CFAP52: variants seen among roughly 807,000 people sequenced by gnomAD.
CFAP52 encodes the protein cilia- and flagella-associated protein 52.
Under a neutral mutation model 70.5 loss-of-function variants are expected in CFAP52, and 57 were observed. That is an observed-to-expected ratio of 0.81 (90% confidence interval 0.65 to 1.01). The LOEUF (loss-of-function observed/expected upper bound fraction) is 1.01, where lower values mean the gene tolerates loss of function less well. Ranked by LOEUF, CFAP52 falls within the 50% of genes least tolerant of loss-of-function variation. CFAP52 has a pLI of 0.00. For missense variants in CFAP52, 785 were observed against 788.5 expected, an observed-to-expected ratio of 1.00 and a Z score of 0.05; for synonymous variants, 267 against 292.5, an observed-to-expected ratio of 0.91 and a Z score of 0.89.
Position 9,612,722 on chromosome 17 carries a change from G to A in CFAP52, c.1025+243G>A, listed in dbSNP as rs144564279. Among the ~76,000 whole-genome samples, 468 of 152,106 alleles carry A rather than the reference G, an allele frequency of 3.1e-3. 1 individual carries two copies. Among genetic ancestry groups the A allele is most frequent in the South Asian group, 7.9e-3 (38 of 4,806 alleles). Reference sequence around the variant, plus strand: ...TTTCTAATAAACCCCTCATGGAAAGGGTAAGTACCTGACAAAACCTTTCTG... The same window carrying A: ...TTTCTAATAAACCCCTCATGGAAAGAGTAAGTACCTGACAAAACCTTTCTG... On this transcript the variant is annotated intron_variant, in intron 8 of 13. Transcript: ENST00000352665.
At chr17:9,591,324 C>T (rs376777837) in intron 3 of CFAP52, among the ~76,000 whole-genome samples, 18 of 152,176 alleles carry the variant, frequency 1.2e-4, no homozygotes, top group South Asian at 4.1e-4. Flanking sequence ...AGGCTTGAGT[C>T]GCCGCTCCCG....
At position 9,615,917 on chromosome 17, in the gene CFAP52, G is replaced by C. The variant is rs11656195; in HGVS notation, c.1025+3438G>C. 3.4e-5 allele frequency among the ~76,000 whole-genome samples: 5 copies of C among 145,822 alleles called. No individual in the cohort carries two copies. The South Asian group carries it at 1.1e-3, about 32-fold the overall frequency. On this transcript the variant is annotated intron_variant, in intron 8 of 13. Transcript: ENST00000352665. ...GGCCTCCCAGAGCACAGGCCTCTCA[G>C]ATTATAGGCATGAGCCACTGCAGTC...
intron 4 of CFAP52, among the ~76,000 whole-genome samples, chr17:9,597,099 C>G (rs1377558328): frequency 6.6e-6 from 1 of 152,150 alleles, no homozygotes; most frequent in Non-Finnish European, 1.5e-5. Flanking sequence ...TGATAACCAC[C>G]ATTCTACTGT....
Position 9,598,227 on chromosome 17 carries a change from T to TA in CFAP52, c.537-6dup, listed in dbSNP as rs1909105303. The TA allele has an allele frequency of 5.7e-6, 9 of 1,589,310 alleles. No homozygotes were observed. Among genetic ancestry groups the TA allele is most frequent in the Non-Finnish European group, 7.7e-6 (9 of 1,172,196 alleles). On this transcript the variant is annotated splice_polypyrimidine_tract_variant and splice_region_variant and intron_variant, in intron 4 of 13. Transcript: ENST00000352665. ...ATTGTGGTTTTTTGTTTTTTTTTTTTACATAGTGGGACAATTCGAGTATGG... is the reference window on the plus strand; with the variant it reads ...ATTGTGGTTTTTTGTTTTTTTTTTTTAACATAGTGGGACAATTCGAGTATGG...
downstream of CFAP52, chr17:9,645,352 G>T (rs1465874716): frequency 4.2e-6 from 1 of 238,726 alleles, no homozygotes; most frequent in South Asian, 1.8e-4. The surrounding 1 kb of genome is among the most constrained non-coding windows in gnomAD (Gnocchi z 6.8). Context: ...GGTAAGGAAG[G>T]GTGGGGAATC....
chr17:9,624,877 A>T (rs1487949788), intron 8 of CFAP52, among the ~76,000 whole-genome samples: 1 of 151,972 alleles, frequency 6.6e-6, no homozygotes, highest in Non-Finnish European at 1.5e-5. Context: ...ATGACTTCCC[A>T]CTGCTGCTTT....
intron 8 of CFAP52, among the ~76,000 whole-genome samples, chr17:9,616,337 C>T (rs1909919484): frequency 1.6e-5 from 2 of 121,742 alleles, no homozygotes; most frequent in African/African-American, 6.8e-5. Flanking sequence ...ACACCTGGCT[C>T]AGAGGGTCCT....
chr17:9,622,004 T>TAA lies in CFAP52; in HGVS notation c.1026-6662_1026-6661dup, dbSNP rs767149548. On this transcript the variant is annotated intron_variant, in intron 8 of 13. Transcript: ENST00000352665. Reference sequence around the variant, plus strand: ...ATGTACCCTAAAACTTAGAGTATAATAAAAAAATAAATAAATAAATATAGT... The same window carrying TAA: ...ATGTACCCTAAAACTTAGAGTATAATAAAAAAAAATAAATAAATAAATATAGT... Among the ~76,000 whole-genome samples, 374 of 148,614 alleles carry TAA rather than the reference T, an allele frequency of 2.5e-3. 3 individuals carry two copies. The highest frequency in any genetic ancestry group is 0.01 in the Middle Eastern group (3 of 290).
At position 9,612,340 on chromosome 17, in the gene CFAP52, A is replaced by C; in HGVS notation, c.886A>C (p.Ile296Leu). 15 of 1,614,200 alleles carry C rather than the reference A, an allele frequency of 9.3e-6. No individual in the cohort carries two copies. The highest frequency in any genetic ancestry group is 1.3e-5 in the Non-Finnish European group (15 of 1,180,034). The change falls in exon 8 of 14, where the codon ATC (isoleucine) becomes CTC (leucine). Residue 296 changes from isoleucine (I) to leucine (L), a missense_variant. Ile to Leu is a conservative substitution (Grantham distance 5). Transcript: ENST00000352665. ...TCAGTTACAAGGCGGCATCACTTCTATCACACTTCGAGGAGAAGGACACCA... is the reference window on the plus strand; with the variant it reads ...TCAGTTACAAGGCGGCATCACTTCTCTCACACTTCGAGGAGAAGGACACCA... ...KIQLQGGITS[I>L]TLRGEGHQFL...
In CFAP52 at chr17:9,586,774, C is replaced by T; in HGVS notation, c.347C>T (p.Ala116Val). The change falls in exon 3 of 14, where the codon GCT (alanine) becomes GTT (valine). Residue 116 changes from alanine (A) to valine (V), a missense_variant. Transcript: ENST00000352665. Reference protein sequence around the residue: ...RLSLHKGKIEALAFSPNDLYL... With the variant: ...RLSLHKGKIEVLAFSPNDLYL... ...TCCCTTCACAAAGGCAAAATTGAAG[C>T]TCTGGCCTTTTCTCCAAATGATTTG... The T allele has an allele frequency of 1.9e-6, 3 of 1,613,910 alleles. No individual in the cohort carries two copies. Among genetic ancestry groups the T allele is most frequent in the Non-Finnish European group, 2.5e-6 (3 of 1,179,948 alleles).
chr17:9,610,776 T>A (rs570453479), intron 7 of CFAP52, among the ~76,000 whole-genome samples: 2 of 152,258 alleles, frequency 1.3e-5, no homozygotes, highest in East Asian at 1.9e-4. Flanking sequence ...TGACCTCAGA[T>A]GATCCACCCA....
At chr17:9,627,746 T>C (rs1484073875) in intron 8 of CFAP52, among the ~76,000 whole-genome samples, 3 of 152,248 alleles carry the variant, frequency 2.0e-5, no homozygotes. Flanking sequence ...CAAATTCTCT[T>C]GTCTCACTCT....
At chr17:9,583,345 G>A (rs1215290561) in intron 1 of CFAP52, among the ~76,000 whole-genome samples, 2 of 151,966 alleles carry the variant, frequency 1.3e-5, no homozygotes, top group Non-Finnish European at 2.9e-5. Context: ...TTAGCTACAG[G>A]AATCACATAA....
intron 10 of CFAP52, among the ~76,000 whole-genome samples, chr17:9,633,600 C>T (rs1241056894): frequency 2.0e-5 from 3 of 151,820 alleles, no homozygotes; most frequent in East Asian, 1.9e-4. Flanking sequence ...GGAATTCATG[C>T]GGGTGTTTTG....
intron 9 of CFAP52, among the ~76,000 whole-genome samples, chr17:9,632,666 T>C (rs1881899954): frequency 1.4e-5 from 2 of 147,746 alleles, no homozygotes; most frequent in Admixed American, 1.3e-4. Flanking sequence ...GAATTGAGGG[T>C]AATCAAGGAA....
Position 9,590,159 on chromosome 17 carries a change from C to T in CFAP52, c.407+3325C>T, listed in dbSNP as rs1252778191. ...GTGTGGTGATCAATCTTCTTCGATC[C>T]ATGGTATCTTCAGAGCAGGTGGCGC... is the stretch of plus-strand genomic sequence containing the variant. On this transcript the variant is annotated intron_variant, in intron 3 of 13. Coordinates refer to ENST00000352665, the MANE Select transcript of CFAP52 (RefSeq NM_145054.5). The T allele has an allele frequency of 1.6e-5, 3 of 191,366 alleles. No homozygotes were observed. In the East Asian group the frequency reaches 3.8e-4, roughly 24 times the overall value. The allele number at this position is 191,366 out of a possible 1,614,324, so 11.9% of individuals were successfully genotyped here.
intron 10 of CFAP52, among the ~76,000 whole-genome samples, chr17:9,633,643 G>A (rs1597795003): frequency 6.6e-6 from 1 of 151,886 alleles, no homozygotes; most frequent in African/African-American, 2.4e-5. Flanking sequence ...CTTTTCCTCC[G>A]AGGATCGTGG....
intron 4 of CFAP52, among the ~76,000 whole-genome samples, chr17:9,597,953 T>G (rs1050929034): frequency 6.6e-6 from 1 of 152,162 alleles, no homozygotes. Context: ...TGTGTTTGTT[T>G]TCAGTAGAGT....
chr17:9,615,168 A>C (rs1909856412), intron 8 of CFAP52, among the ~76,000 whole-genome samples: 1 of 152,228 alleles, frequency 6.6e-6, no homozygotes, highest in African/African-American at 2.4e-5. Context: ...TTGCTAATTT[A>C]GTTGTGTTAA....
Sources: gnomAD v4.1 joint callset for allele counts (sites outside exome capture counted in the v4.1 genomes callset) on GRCh38, gnomAD v4.1.1 for gene constraint, Gnocchi (gnomAD v3.1) non-coding constraint, MANE v1.5 for transcripts, NCBI Gene and HGNC (gene_info 2026-07-23, HGNC 2026-07-21) for gene names.